DSCC1: variants seen among roughly 807,000 people sequenced by gnomAD.
DSCC1 encodes DNA replication and sister chromatid cohesion 1.
In DSCC1, 32 loss-of-function variants were observed where a neutral mutation model predicts 48.2. The observed-to-expected ratio is 0.66, with a 90% CI of 0.50 to 0.89. The LOEUF (loss-of-function observed/expected upper bound fraction) is 0.89, where lower values mean the gene tolerates loss of function less well. Among genes scored for constraint, DSCC1 ranks in the 40% least tolerant of loss-of-function variants. DSCC1 has a pLI of 0.00. For missense variants in DSCC1, 421 were observed against 471.7 expected (o/e 0.89, Z 1.00); for synonymous variants, 150 against 171.5 (o/e 0.87, Z 0.98).
intron 1 of DSCC1, among the ~76,000 whole-genome samples, chr8:119,855,165 AG>A (rs1190650341): frequency 7.2e-5 from 11 of 152,222 alleles, no homozygotes; most frequent in African/African-American, 1.2e-4. Context: ...CGGGGTGGGT[AG>A]GGGTCTCACC....
At chr8:119,852,921 C>A (rs760733669) in intron 2 of DSCC1, 126 bp downstream of exon 2, 25 of 830,848 alleles carry the variant, frequency 3.0e-5, no homozygotes, top group Non-Finnish European at 3.9e-5. Flanking sequence ...ATTCAAATTT[C>A]TTTAAAGAAC....
At chr8:119,841,978 T>C (rs922513328) in intron 6 of DSCC1, 30 bp from the exon 7 acceptor site, 4 of 1,602,042 alleles carry the variant, frequency 2.5e-6, no homozygotes, top group Non-Finnish European at 3.4e-6. Flanking sequence ...TATTTTCATA[T>C]TATCATCTTA....
intron 4 of DSCC1, among the ~76,000 whole-genome samples, chr8:119,844,250 C>T (rs1826817686): frequency 6.6e-6 from 1 of 151,850 alleles, no homozygotes; most frequent in African/African-American, 2.4e-5. Flanking sequence ...CCAGCCTGGC[C>T]AACATAGTGA....
chr8:119,844,588 T>C (rs1826824161), intron 4 of DSCC1, among the ~76,000 whole-genome samples: 1 of 151,972 alleles, frequency 6.6e-6, no homozygotes. Flanking sequence ...CTTTCTTTTT[T>C]TTTTTTTCTT....
At chr8:119,850,960 T>C (rs1023105843) in intron 2 of DSCC1, among the ~76,000 whole-genome samples, 3 of 152,148 alleles carry the variant, frequency 2.0e-5, no homozygotes, top group African/African-American at 7.2e-5. Flanking sequence ...GTTGCTCACG[T>C]TGAAATGAGG....
At position 119,834,378 on chromosome 8, in the gene DSCC1, A is replaced by T. The variant is rs1468794787; in HGVS notation, c.*515T>A. 1 of 153,224 alleles carries T rather than the reference A, an allele frequency of 6.5e-6. No individual in the cohort carries two copies. The highest frequency in any genetic ancestry group is 6.5e-5 in the Admixed American group (1 of 15,284). The allele number at this position is 153,224 out of a possible 1,614,324, so 9.5% of individuals were successfully genotyped here. On this transcript the variant is annotated 3_prime_UTR_variant, in exon 9 of 9. Transcript: ENST00000313655. ...GTCTACGCCAGGCAGAGGAGTAATT[A>T]TTCAGCCAATTTCATGGATGTAAAC...
chr8:119,841,671 A>T, intron 7 of DSCC1, 123 bp downstream of exon 7: 1 of 962,022 alleles, frequency 1.0e-6, no homozygotes, highest in African/African-American at 1.6e-5. Flanking sequence ...GATTGGATGT[A>T]CATGCACTCC....
At chr8:119,843,424 A>G (rs547345959) in intron 5 of DSCC1, among the ~76,000 whole-genome samples, 185 bp downstream of exon 5, 1 of 152,290 alleles carries the variant, frequency 6.6e-6, no homozygotes, top group Admixed American at 6.5e-5. Flanking sequence ...AACAAACAAG[A>G]TAATGCACAT....
chr8:119,855,872 G>T lies in DSCC1; in HGVS notation c.-77C>A. On this transcript the variant is annotated 5_prime_UTR_variant, in exon 1 of 9. It adds an upstream start codon to the 5' untranslated region. Coordinates refer to ENST00000313655, the MANE Select transcript of DSCC1 (RefSeq NM_024094.3). ...CGGGCAAGAAAGAAGTTCCCAAGCAGCCGGAAGGTAGGAAACCTGAGCGTT... is the reference window on the plus strand; with the variant it reads ...CGGGCAAGAAAGAAGTTCCCAAGCATCCGGAAGGTAGGAAACCTGAGCGTT... 7.2e-7 allele frequency: 1 copy of T among 1,391,318 alleles called. No individual in the cohort carries two copies. The highest frequency in any genetic ancestry group is 9.3e-7 in the Non-Finnish European group (1 of 1,070,468). The allele number at this position is 1,391,318 out of a possible 1,614,324, so 86.2% of individuals were successfully genotyped here. A position where few individuals can be genotyped will look rare whatever the true frequency, so the allele number is the denominator to read the frequency against.
At chr8:119,843,119 ATT>A (rs11341051) in intron 5 of DSCC1, among the ~76,000 whole-genome samples, 60 of 139,654 alleles carry the variant, frequency 4.3e-4, no homozygotes, top group African/African-American at 4.8e-4. Context: ...GTTTTATTTT[ATT>A]TTTTTTTTTT....
Position 119,834,823 on chromosome 8 carries a change from C to G in DSCC1, c.*70G>C, listed in dbSNP as rs1826651878. 5.8e-6 allele frequency: 6 copies of G among 1,037,112 alleles called. No homozygotes were observed. The highest frequency in any genetic ancestry group is 8.9e-6 in the Non-Finnish European group (6 of 677,748). The allele number at this position is 1,037,112 out of a possible 1,614,324, so 64.2% of individuals were successfully genotyped here. On this transcript the variant is annotated 3_prime_UTR_variant, in exon 9 of 9. Coordinates refer to ENST00000313655, the MANE Select transcript of DSCC1 (RefSeq NM_024094.3). ...TTTCTAAAAGTCAGAAATAAAAGTA[C>G]AAGTTATTTTTCTTCTATCCAGCAA...
intron 4 of DSCC1, among the ~76,000 whole-genome samples, chr8:119,845,642 C>A (rs1826845155): frequency 1.5e-5 from 2 of 137,754 alleles, no homozygotes; most frequent in South Asian, 4.4e-4. Flanking sequence ...GTTTCATTTG[C>A]CTTTAAAAAA....
intron 4 of DSCC1, among the ~76,000 whole-genome samples, chr8:119,845,597 A>C (rs2131302838): frequency 6.6e-6 from 1 of 152,168 alleles, no homozygotes; most frequent in South Asian, 2.1e-4. Context: ...CCATGCTGCA[A>C]GTTAATAATG....
chr8:119,853,176 C>T lies in DSCC1; in HGVS notation c.222G>A (p.Leu74=). The change falls in exon 2 of 9, where the codon CTG becomes CTA. Residue 74 remains leucine, a synonymous_variant. Coordinates refer to ENST00000313655, the MANE Select transcript of DSCC1 (RefSeq NM_024094.3). The stretch of plus-strand genomic sequence containing the variant: ...AGTCGTATGTTTTGTCTTTACTGCA[C>T]AGCACAGCTTGCTCGTCTTTATCAC... ...IRGDKDEQAV[L]CSKDKTYDLK... is the part of the protein sequence containing the mutation. 1.2e-6 allele frequency: 2 copies of T among 1,613,530 alleles called. No individual in the cohort carries two copies. The highest frequency in any genetic ancestry group is 1.7e-6 in the Non-Finnish European group (2 of 1,179,668).
At chr8:119,837,403 G>A (rs1239199484) in intron 8 of DSCC1, among the ~76,000 whole-genome samples, 1 of 152,170 alleles carries the variant, frequency 6.6e-6, no homozygotes, top group African/African-American at 2.4e-5. Context: ...GGGAAAGAAG[G>A]TTGTTCTGGC....
rs941981773 is a variant in DSCC1 at position 119,847,149 on chromosome 8, T to C, written c.487-69A>G. On this transcript the variant is annotated intron_variant, in intron 3 of 8. Coordinates refer to ENST00000313655, the MANE Select transcript of DSCC1 (RefSeq NM_024094.3). ...TGTTTTTAGATTTCTTGCTGAATATTGAGGAATAAATACATAGAACAGATT... is the reference window on the plus strand; with the variant it reads ...TGTTTTTAGATTTCTTGCTGAATATCGAGGAATAAATACATAGAACAGATT... 20 of 1,340,192 alleles carry C rather than the reference T, an allele frequency of 1.5e-5. No individual in the cohort carries two copies. In the Middle Eastern group the frequency reaches 7.2e-4, roughly 48 times the overall value. 83.0% of individuals were successfully genotyped at this position (1,340,192 alleles called of 1,614,324 possible). A position where few individuals can be genotyped will look rare whatever the true frequency, so the allele number is the denominator to read the frequency against.
intron 2 of DSCC1, 141 bp from the exon 3 acceptor site, chr8:119,850,657 TC>T: frequency 1.5e-6 from 1 of 677,242 alleles, no homozygotes; most frequent in Non-Finnish European, 2.2e-6. Context: ...AAGGTATTTA[TC>T]CAGCCATCTC....
At chr8:119,842,018 T>C in intron 6 of DSCC1, 70 bp from the exon 7 acceptor site, 4 of 1,510,978 alleles carry the variant, frequency 2.6e-6, no homozygotes, top group Non-Finnish European at 3.6e-6. Context: ...CATTTCCTTT[T>C]CTTTGCTGCA....
intron 3 of DSCC1, among the ~76,000 whole-genome samples, chr8:119,847,387 A>C (rs1331808812): frequency 6.6e-6 from 1 of 152,222 alleles, no homozygotes; most frequent in African/African-American, 2.4e-5. Context: ...TTGCACTTCA[A>C]AACACTATCA....
Sources: gnomAD v4.1 joint callset for allele counts (sites outside exome capture counted in the v4.1 genomes callset) on GRCh38, gnomAD v4.1.1 for gene constraint, MANE v1.5 for transcripts, NCBI Gene and HGNC (gene_info 2026-07-23, HGNC 2026-07-21) for gene names.